Variants in PRR12 observed in about 807,000 individuals in gnomAD.
The protein encoded by PRR12 is proline-rich protein 12.
A neutral mutation model predicts 138.0 loss-of-function variants in PRR12; 12 were observed. The ratio of observed to expected loss-of-function variants is 0.09; its 90% CI spans 0.06 to 0.14. PRR12 has a LOEUF of 0.14. Among genes scored for constraint, PRR12 ranks in the 10% least tolerant of loss-of-function variants. The pLI is 1.00. For missense variants in PRR12, 2,692 were observed against 2,861.3 expected (o/e 0.94, Z 1.35); for synonymous variants, 1,567 against 1,291.7 (o/e 1.21, Z -4.57).
chr19:49,599,883 T>A lies in PRR12; in HGVS notation c.4290T>A (p.Val1430=), dbSNP rs2122310861. The A allele has an allele frequency of 6.2e-7, 1 of 1,612,188 alleles. No individual in the cohort carries two copies. Among genetic ancestry groups the A allele is most frequent in the East Asian group, 2.2e-5 (1 of 44,878 alleles). ...DGPPLAPAAA[V]PGPPPLPGLP... ...CGCCCTTGGCCCCCGCGGCTGCAGT[T>A]CCAGGGCCACCCCCTCTTCCGGGGC... The change falls in exon 5 of 14, where the codon GTT becomes GTA. Residue 1430 remains valine (V), a synonymous_variant. Coordinates refer to ENST00000418929, the MANE Select transcript of PRR12 (RefSeq NM_020719.3). This position sits in a 1 kb window ranked among gnomAD's most constrained non-coding sequence, Gnocchi z 5.0.
rs756317977 is a variant in PRR12, at chr19:49,621,639, G to A, written c.5721+17G>A. The stretch of plus-strand genomic sequence containing the variant: ...GCCCTGCAGGTGCCTGGGGGTCTGG[G>A]CAGGGGGTGTCTGGGGCCCAGGGTC... On this transcript the variant is annotated intron_variant, in intron 11 of 13. Coordinates refer to ENST00000418929, the MANE Select transcript of PRR12 (RefSeq NM_020719.3). 9 of 1,567,268 alleles carry A rather than the reference G, an allele frequency of 5.7e-6. No individual in the cohort carries two copies. The Admixed American group carries it at 1.3e-4, about 22-fold the overall frequency.
At position 49,601,639 on chromosome 19, in the gene PRR12, A is replaced by ACCGCCGCTGCCG; in HGVS notation, c.4500_4511dup (p.Leu1501_Pro1504dup). On this transcript the variant is annotated inframe_insertion, in exon 6 of 14. Coordinates refer to ENST00000418929, the MANE Select transcript of PRR12 (RefSeq NM_020719.3). The stretch of plus-strand genomic sequence containing the variant: ...CCCCCACGCCCAGCTCACCACCGCC[A>ACCGCCGCTGCCG]CCGCCGCTGCCGCCGCCACCTCCAC... The ACCGCCGCTGCCG allele has an allele frequency of 6.5e-7, 1 of 1,529,702 alleles. No individual in the cohort carries two copies. The highest frequency in any genetic ancestry group is 1.2e-5 in the South Asian group (1 of 82,876). 94.8% of individuals were successfully genotyped at this position (1,529,702 alleles called of 1,614,324 possible). A position where few individuals can be genotyped will look rare whatever the true frequency, so the allele number is the denominator to read the frequency against.
chr19:49,615,053 G>A (rs766905539), intron 8 of PRR12, 44 bp downstream of exon 8: 19 of 1,610,530 alleles, frequency 1.2e-5, no homozygotes, highest in Admixed American at 1.0e-4. Context: ...ATGTAGCGCC[G>A]ACAGGCATGG....
chr19:49,592,256 T>C (rs1425072327), intron 1 of PRR12, among the ~76,000 whole-genome samples: 5 of 151,012 alleles, frequency 3.3e-5, no homozygotes, highest in Admixed American at 3.3e-4. Flanking sequence ...CCCCGCCCCC[T>C]TCCTAAGCTG....
intron 6 of PRR12, among the ~76,000 whole-genome samples, chr19:49,608,334 T>G (rs10426151): frequency 0.36 from 55,203 of 151,742 alleles, 11,120 homozygotes; most frequent in African/African-American, 0.55. Context: ...TACACAAAAT[T>G]CTTTTTTTTT....
intron 1 of PRR12, 107 bp from the exon 2 acceptor site, chr19:49,593,220 A>G: frequency 3.1e-6 from 1 of 321,614 alleles, no homozygotes; most frequent in East Asian, 6.1e-5. Context: ...AACACCCCCC[A>G]CCCCGGTCAG....
rs1286344073 is a variant in PRR12, at chr19:49,619,308, T to G, written c.5498-1044T>G. ...GCCAGTGCAGTTGTGCGATCTCAGC[T>G]CACCGCAACCTCTGCCTCCCGGGTT... On this transcript the variant is annotated intron_variant, in intron 9 of 13. Coordinates refer to ENST00000418929, the MANE Select transcript of PRR12 (RefSeq NM_020719.3). 2.1e-5 allele frequency among the ~76,000 whole-genome samples: 3 copies of G among 142,954 alleles called. No individual in the cohort carries two copies. The Admixed American group carries it at 2.2e-4, about 11-fold the overall frequency. The allele number at this position is 142,954 out of a possible 152,430, so 93.8% of individuals were successfully genotyped here. A position where few individuals can be genotyped will look rare whatever the true frequency, so the allele number is the denominator to read the frequency against.
chr19:49,615,433 C>G (rs1476705728), intron 8 of PRR12, among the ~76,000 whole-genome samples: 1 of 146,052 alleles, frequency 6.8e-6, no homozygotes, highest in Admixed American at 6.9e-5. Flanking sequence ...GGACAGAGAC[C>G]CAGAAAGAGG....
intron 4 of PRR12, among the ~76,000 whole-genome samples, chr19:49,598,810 C>T (rs2080792764): frequency 6.6e-6 from 1 of 152,156 alleles, no homozygotes; most frequent in Non-Finnish European, 1.5e-5. Context: ...GAGTGAGACC[C>T]TGTCTCAAGA....
At chr19:49,618,915 A>T (rs149204206) in intron 9 of PRR12, among the ~76,000 whole-genome samples, 1 of 150,760 alleles carries the variant, frequency 6.6e-6, no homozygotes, top group African/African-American at 2.4e-5. Flanking sequence ...CTACGCTTAC[A>T]CTCACCCCTT....
At chr19:49,609,752 T>G in intron 6 of PRR12, among the ~76,000 whole-genome samples, 2 of 151,978 alleles carry the variant, frequency 1.3e-5, no homozygotes, top group African/African-American at 4.8e-5. Context: ...GGCTGGACAG[T>G]GAATGCTGAG....
At chr19:49,620,776 G>A (rs1463690692) in intron 10 of PRR12, among the ~76,000 whole-genome samples, 4 of 148,582 alleles carry the variant, frequency 2.7e-5, no homozygotes, top group African/African-American at 1.0e-4. Flanking sequence ...GAAGGGCTGG[G>A]GGCCTGGACT....
At position 49,614,916 on chromosome 19, in the gene PRR12, G is replaced by A. The variant is rs1268937529; in HGVS notation, c.4931G>A (p.Arg1644His). 3 of 1,613,982 alleles carry A rather than the reference G, an allele frequency of 1.9e-6. No individual in the cohort carries two copies. Among genetic ancestry groups the A allele is most frequent in the East Asian group, 2.2e-5 (1 of 44,882 alleles). ...YFGDAKNRYQ[R>H]LYVKFLENVN... ...GGGGATGCAAAAAATCGGTACCAGC[G>A]CCTCTATGTAAAGTTCCTGGAAAAT... The change falls in exon 8 of 14, where the codon CGC (arginine) becomes CAC (histidine). Residue 1644 changes from arginine to histidine, a missense_variant. By Grantham distance (29) the Arg-to-His change is conservative. Around this residue, in one of 11 missense-constraint regions of PRR12, gnomAD observed 92 missense variants for 174.1 expected, o/e 0.53. Transcript: ENST00000418929. The surrounding 1 kb of genome is among the most constrained non-coding windows in gnomAD (Gnocchi z 5.0).
intron 11 of PRR12, 26 bp from the exon 12 acceptor site, chr19:49,624,818 C>G (rs1568433509): frequency 6.2e-7 from 1 of 1,605,994 alleles, no homozygotes; most frequent in Non-Finnish European, 8.5e-7. Context: ...AGGGCAGCAT[C>G]CAGCTGACCC....
Position 49,594,316 on chromosome 19 carries a change from T to A in PRR12, c.200-138T>A. On this transcript the variant is annotated intron_variant, in intron 2 of 13. Transcript: ENST00000418929. This position sits in a 1 kb window ranked among gnomAD's most constrained non-coding sequence, Gnocchi z 5.6. ...TGTCTCATTAGCTTGGTTCTATCCA[T>A]CTTGTTTTTGAATTTGCCCTTTTCT... The A allele has an allele frequency of 1.4e-6, 1 of 702,240 alleles. No individual in the cohort carries two copies. Among genetic ancestry groups the A allele is most frequent in the Non-Finnish European group, 2.3e-6 (1 of 436,016 alleles). 43.5% of individuals were successfully genotyped at this position (702,240 alleles called of 1,614,324 possible). A position where few individuals can be genotyped will look rare whatever the true frequency, so the allele number is the denominator to read the frequency against.
rs2080777133 is a variant in PRR12 at position 49,597,118 on chromosome 19, C to T, written c.2783C>T (p.Pro928Leu). Residue 928 changes from proline (P) to leucine (L), a missense_variant, in exon 4 of 14, where the codon CCG becomes CTG. By Grantham distance (98) the Pro-to-Leu change is moderately conservative. This residue lies in a region of PRR12 where 840 missense variants were observed against 689.8 expected (regional missense o/e 1.22). Transcript: ENST00000418929. The surrounding 1 kb of genome is among the most constrained non-coding windows in gnomAD (Gnocchi z 6.3). ...PQGTKAPRFV[P>L]LTSICFPDSL... ...GGCACCAAGGCGCCGCGTTTCGTGC[C>T]GCTCACCTCCATCTGCTTCCCTGAC... The T allele has an allele frequency of 1.9e-6, 3 of 1,550,942 alleles. No individual in the cohort carries two copies. The highest frequency in any genetic ancestry group is 1.2e-5 in the South Asian group (1 of 84,124).
rs73586569 is a variant in PRR12 at position 49,608,883 on chromosome 19, A to G, written c.4774-5650A>G. On this transcript the variant is annotated intron_variant, in intron 6 of 13. Coordinates refer to ENST00000418929, the MANE Select transcript of PRR12 (RefSeq NM_020719.3). The stretch of plus-strand genomic sequence containing the variant: ...AAAACAAATCAATCTCAAAAGCTCA[A>G]GAACCACTTGTGGGAACGAGCTGCT... Among the ~76,000 whole-genome samples the G allele has an allele frequency of 8.0e-3, 1,212 of 152,222 alleles. 14 individuals are homozygous for G. The highest frequency in any genetic ancestry group is 0.028 in the African/African-American group (1,154 of 41,540).
intron 11 of PRR12, among the ~76,000 whole-genome samples, chr19:49,622,528 C>A (rs1465010226): frequency 1.3e-5 from 2 of 149,914 alleles, no homozygotes; most frequent in Non-Finnish European, 3.0e-5. Context: ...GGAGGTGGAG[C>A]TTGCAGTGAG....
rs1332979115 is a variant in PRR12, at chr19:49,595,147, C to T, written c.812C>T (p.Ala271Val). The T allele has an allele frequency of 6.2e-7, 1 of 1,611,490 alleles. No homozygotes were observed. The highest frequency in any genetic ancestry group is 8.5e-7 in the Non-Finnish European group (1 of 1,179,596). The change falls in exon 4 of 14, where the codon GCT becomes GTT. Residue 271 changes from alanine (A) to valine (V), a missense_variant. Ala to Val is a moderately conservative substitution (Grantham distance 64, BLOSUM62 0). This residue lies in a region of PRR12 where 523 missense variants were observed against 496.4 expected (regional missense o/e 1.05). Transcript: ENST00000418929. ...SSPQLYNFSG[A>V]APGPPPPERA... ...CCACAGCTCTATAACTTCTCGGGTG[C>T]TGCCCCGGGCCCACCGCCGCCTGAG...
Sources: allele counts gnomAD v4.1 joint callset (sites outside exome capture counted in the v4.1 genomes callset), GRCh38; gene constraint gnomAD v4.1.1; regional missense constraint gnomAD v4.1.1; non-coding constraint Gnocchi (gnomAD v3.1); transcripts MANE v1.5; gene names NCBI Gene and HGNC (gene_info 2026-07-23, HGNC 2026-07-21).